The following FAM151B variants were observed in gnomAD, a reference collection of about 807,000 sequenced individuals.
FAM151B encodes the protein family with sequence similarity 151 member B.
A neutral mutation model predicts 31.2 loss-of-function variants in FAM151B; 24 were observed. That is an observed-to-expected ratio of 0.77 (90% CI 0.56 to 1.08). The LOEUF is 1.08. FAM151B is among the 50% of genes least tolerant of loss of function. The pLI is 0.00. For missense variants in FAM151B, 293 were observed against 328.6 expected, an observed-to-expected ratio of 0.89 and a Z score of 0.84; for synonymous variants, 105 against 111.4, an observed-to-expected ratio of 0.94 and a Z score of 0.36.
chr5:80,536,914 T>C (rs1047487261), intron 5 of FAM151B, among the ~76,000 whole-genome samples: 3 of 151,352 alleles, frequency 2.0e-5, no homozygotes, highest in Non-Finnish European at 4.4e-5. Flanking sequence ...GTAGTGGTGG[T>C]GGGTGTTGGG....
At chr5:80,524,542 T>C (rs928055262) in intron 5 of FAM151B, among the ~76,000 whole-genome samples, 6 of 152,172 alleles carry the variant, frequency 3.9e-5, no homozygotes, top group South Asian at 2.1e-4. Flanking sequence ...TTCTGGAGTT[T>C]GCTTGTTTTT....
At chr5:80,500,763 A>C in intron 1 of FAM151B, 9 of 1,349,768 alleles carry the variant, frequency 6.7e-6, no homozygotes, top group Non-Finnish European at 9.4e-6. Context: ...GGGGGTACCC[A>C]AATCTGAAGT....
rs535189318 is a variant in FAM151B at position 80,501,247 on chromosome 5, T to A, written c.26-545T>A. ...GTTGGCCAGGCTGCTCTCCAACTCC[T>A]GACCTCAGGTAATCCGCCCACCTCA... On this transcript the variant is annotated intron_variant, in intron 1 of 5. Transcript: ENST00000282226. 1.6e-5 allele frequency: 7 copies of A among 425,950 alleles called. 1 individual carries two copies. The highest frequency in any genetic ancestry group is 1.5e-4 in the South Asian group (7 of 45,774). The allele number at this position is 425,950 out of a possible 1,614,324, so 26.4% of individuals were successfully genotyped here.
At chr5:80,518,344 A>G (rs984808884) in intron 3 of FAM151B, among the ~76,000 whole-genome samples, 1 of 152,164 alleles carries the variant, frequency 6.6e-6, no homozygotes, top group Non-Finnish European at 1.5e-5. Context: ...GCAGCACCTC[A>G]TGGGGACTTG....
intron 1 of FAM151B, 97 bp downstream of exon 1, chr5:80,488,245 G>T (rs1289700620): frequency 1.4e-6 from 2 of 1,419,138 alleles, no homozygotes; most frequent in South Asian, 2.7e-5. Context: ...GGTCTTCCTT[G>T]CTAGGGACCT....
chr5:80,532,405 A>T (rs1463550406), intron 5 of FAM151B, among the ~76,000 whole-genome samples: 1 of 152,190 alleles, frequency 6.6e-6, no homozygotes, highest in Non-Finnish European at 1.5e-5. Context: ...ATAAGAGACT[A>T]AGAAGATCAC....
chr5:80,524,336 G>A (rs1744856948), intron 5 of FAM151B, among the ~76,000 whole-genome samples: 2 of 152,050 alleles, frequency 1.3e-5, no homozygotes, highest in South Asian at 4.1e-4. Flanking sequence ...AGTCATATGT[G>A]TGATAAGAGC....
chr5:80,496,013 CTG>C (rs1743525683), intron 1 of FAM151B, among the ~76,000 whole-genome samples: 1 of 152,142 alleles, frequency 6.6e-6, no homozygotes, highest in Non-Finnish European at 1.5e-5. Context: ...GGTGAAGATG[CTG>C]TGAACATTGT....
chr5:80,510,422 C>G (rs916599863), intron 2 of FAM151B, among the ~76,000 whole-genome samples: 16 of 152,146 alleles, frequency 1.1e-4, no homozygotes, highest in African/African-American at 3.4e-4. Flanking sequence ...AGTAAGAAAA[C>G]TGAAGGTGCC....
chr5:80,525,636 C>G (rs1392327439), intron 5 of FAM151B, among the ~76,000 whole-genome samples: 3 of 152,112 alleles, frequency 2.0e-5, no homozygotes, highest in Non-Finnish European at 4.4e-5. Flanking sequence ...TCCAGTTCCT[C>G]TGCTAACCCT....
intron 5 of FAM151B, among the ~76,000 whole-genome samples, chr5:80,526,050 G>T (rs183836264): frequency 7.3e-4 from 111 of 152,110 alleles, no homozygotes; most frequent in African/African-American, 2.7e-3. Flanking sequence ...GTGGAGGATG[G>T]GTTCAAGGAT....
chr5:80,513,513 T>TA (rs536095927), intron 2 of FAM151B, 91 bp from the exon 3 acceptor site: 28 of 1,275,274 alleles, frequency 2.2e-5, no homozygotes, highest in Non-Finnish European at 2.6e-5. Context: ...CCTTTTTTTT[T>TA]ATCTTCCTCA....
At chr5:80,514,476 A>AAATAATAATAATAAT (rs139355800) in intron 3 of FAM151B, among the ~76,000 whole-genome samples, 13 of 139,340 alleles carry the variant, frequency 9.3e-5, no homozygotes, top group South Asian at 2.3e-4. Context: ...ACTCCCTCTC[A>AAATAATAATAATAAT]AATAATAATA....
At chr5:80,498,735 G>T in intron 1 of FAM151B, 1 of 573,720 alleles carries the variant, frequency 1.7e-6, no homozygotes. Context: ...ATTCTTGGGA[G>T]TGGTGTAAGA....
chr5:80,536,284 C>T (rs1745512901), intron 5 of FAM151B, among the ~76,000 whole-genome samples: 2 of 152,222 alleles, frequency 1.3e-5, no homozygotes, highest in Non-Finnish European at 1.5e-5. Context: ...GATTCTCCTG[C>T]CTCAGCTTCC....
chr5:80,532,741 T>C (rs1306656926), intron 5 of FAM151B, among the ~76,000 whole-genome samples: 2 of 152,196 alleles, frequency 1.3e-5, no homozygotes, highest in African/African-American at 2.4e-5. Flanking sequence ...GGGTAGACCA[T>C]ATATTAGATC....
At chr5:80,528,696 A>C (rs1161023920) in intron 5 of FAM151B, among the ~76,000 whole-genome samples, 1 of 151,690 alleles carries the variant, frequency 6.6e-6, no homozygotes, top group Non-Finnish European at 1.5e-5. Flanking sequence ...ACACCACTGC[A>C]CTCCAGCCTG....
Position 80,540,552 on chromosome 5 carries a change from T to A in FAM151B, c.672-1121T>A, listed in dbSNP as rs532760646. ...GCCGTTTTTTCCATTTCAGTCTGAA[T>A]ACAATGAAGTGAATATTAAAAAAGG... On this transcript the variant is annotated intron_variant, in intron 5 of 5. Coordinates refer to ENST00000282226, the MANE Select transcript of FAM151B (RefSeq NM_205548.3). Among the ~76,000 whole-genome samples the A allele has an allele frequency of 8.5e-5, 13 of 152,330 alleles. No individual in the cohort carries two copies. The South Asian group carries it at 2.5e-3, about 29-fold the overall frequency.
At position 80,520,056 on chromosome 5, in the gene FAM151B, C is replaced by A. The variant is rs922346389; in HGVS notation, c.535+146C>A. On this transcript the variant is annotated intron_variant, in intron 4 of 5. Transcript: ENST00000282226. ...GCCTGACCCTTCAGGTATGTGCAGA[C>A]CCTTCCATCTGCTCTTTCAGATAGA... 2.7e-5 allele frequency: 18 copies of A among 674,446 alleles called. No homozygotes were observed. In the African/African-American group the frequency reaches 2.7e-4, roughly 10 times the overall value. 41.8% of individuals were successfully genotyped at this position (674,446 alleles called of 1,614,324 possible). A position where few individuals can be genotyped will look rare whatever the true frequency, so the allele number is the denominator to read the frequency against.
Sources: gnomAD v4.1 joint callset for allele counts (sites outside exome capture counted in the v4.1 genomes callset) on GRCh38, gnomAD v4.1.1 for gene constraint, MANE v1.5 for transcripts, NCBI Gene and HGNC (gene_info 2026-07-23, HGNC 2026-07-21) for gene names.